PPM1E: variants seen among roughly 807,000 people sequenced by gnomAD.
The protein encoded by PPM1E is protein phosphatase, Mg2+/Mn2+ dependent 1E.
In PPM1E, 20 loss-of-function variants were observed where a neutral mutation model predicts 65.9. The observed-to-expected ratio is 0.30, with a 90% CI of 0.21 to 0.44. The LOEUF is 0.44. PPM1E is among the 20% of genes least tolerant of loss of function. The pLI, the probability that PPM1E is intolerant of heterozygous loss-of-function variation, is 1.00. For missense variants in PPM1E, 713 were observed against 953.1 expected (o/e 0.75, Z 3.32); for synonymous variants, 352 against 374.9 (o/e 0.94, Z 0.70).
chr17:58,790,680 A>C (rs976032564), intron 1 of PPM1E, among the ~76,000 whole-genome samples: 3 of 152,138 alleles, frequency 2.0e-5, no homozygotes, highest in Non-Finnish European at 2.9e-5. Context: ...AGCCACATGG[A>C]GAGGCCTTGT....
chr17:58,887,612 CAG>C (rs765794764), intron 1 of PPM1E, among the ~76,000 whole-genome samples: 3 of 152,116 alleles, frequency 2.0e-5, no homozygotes, highest in African/African-American at 7.2e-5. Context: ...TGAGGAATGA[CAG>C]AGAGATTTGT....
At chr17:58,816,910 C>G (rs745924198) in intron 1 of PPM1E, among the ~76,000 whole-genome samples, 24 of 150,698 alleles carry the variant, frequency 1.6e-4, no homozygotes, top group Non-Finnish European at 3.0e-4. Flanking sequence ...ATCCTCCCAC[C>G]TCAGCCTCCT....
intron 1 of PPM1E, among the ~76,000 whole-genome samples, chr17:58,845,926 C>A (rs777956151): frequency 6.6e-6 from 1 of 152,154 alleles, no homozygotes; most frequent in Admixed American, 6.5e-5. Flanking sequence ...GGTGATCTGC[C>A]GAACTCGGCC....
rs964406873 is a variant in PPM1E, at chr17:58,937,265, T to C, written c.465-18384T>C. The stretch of plus-strand genomic sequence containing the variant: ...ACATTTATCATGTAGGCCTGTCTCT[T>C]TTTTTTTTTTTTTTTTGAGATGGAG... On this transcript the variant is annotated intron_variant, in intron 1 of 6. Transcript: ENST00000308249. Among the ~76,000 whole-genome samples, 401 of 143,316 alleles carry C rather than the reference T, an allele frequency of 2.8e-3. 1 individual carries two copies. Among genetic ancestry groups the C allele is most frequent in the Non-Finnish European group, 4.1e-3 (265 of 65,106 alleles). 94.0% of individuals were successfully genotyped at this position (143,316 alleles called of 152,430 possible). A position where few individuals can be genotyped will look rare whatever the true frequency, so the allele number is the denominator to read the frequency against.
intron 1 of PPM1E, among the ~76,000 whole-genome samples, chr17:58,843,201 A>AG (rs2050737488): frequency 6.6e-6 from 1 of 151,406 alleles, no homozygotes; most frequent in Admixed American, 6.6e-5. Flanking sequence ...CCTGGGAGGC[A>AG]GAGAACCTGG....
At position 58,835,057 on chromosome 17, in the gene PPM1E, TTGGCCTGGTGCAG is replaced by T. The variant is rs1311724858; in HGVS notation, c.464+78599_464+78611del. Among the ~76,000 whole-genome samples, 4 of 152,194 alleles carry T rather than the reference TTGGCCTGGTGCAG, an allele frequency of 2.6e-5. No individual in the cohort carries two copies. In the East Asian group the frequency reaches 5.8e-4, roughly 22 times the overall value. The stretch of plus-strand genomic sequence containing the variant: ...TTATTTAGGTCATTAAAACCTTTTT[TTGGCCTGGTGCAG>T]TGACTCATGCCTATAATCCCAGCAC... On this transcript the variant is annotated intron_variant, in intron 1 of 6. Transcript: ENST00000308249.
intron 1 of PPM1E, among the ~76,000 whole-genome samples, chr17:58,829,387 G>T (rs2050576354): frequency 6.6e-6 from 1 of 152,062 alleles, no homozygotes; most frequent in African/African-American, 2.4e-5. Flanking sequence ...TTTTCCTGGA[G>T]TTAATAATTT....
At chr17:58,905,433 C>T (rs568726334) in intron 1 of PPM1E, among the ~76,000 whole-genome samples, 1 of 152,166 alleles carries the variant, frequency 6.6e-6, no homozygotes, top group African/African-American at 2.4e-5. Flanking sequence ...TGAATTTTAT[C>T]AAGTGCTTTT....
intron 1 of PPM1E, among the ~76,000 whole-genome samples, chr17:58,820,995 A>C (rs1374922025): frequency 6.6e-6 from 1 of 152,136 alleles, no homozygotes. Flanking sequence ...TTCCAATTAT[A>C]ATGTATGATG....
intron 1 of PPM1E, among the ~76,000 whole-genome samples, chr17:58,815,675 G>A (rs1315320155): frequency 6.6e-6 from 1 of 152,126 alleles, no homozygotes; most frequent in Admixed American, 6.6e-5. Context: ...TTATGTACTA[G>A]AGCTGATTTT....
chr17:58,874,763 C>T (rs1330833841), intron 1 of PPM1E, among the ~76,000 whole-genome samples: 1 of 152,106 alleles, frequency 6.6e-6, no homozygotes, highest in African/African-American at 2.4e-5. Context: ...ACTGGTATAT[C>T]ACCACTGGAA....
chr17:58,785,483 T>TAGATAGATAG (rs2050091346), intron 1 of PPM1E: 4 of 119,574 alleles, frequency 3.3e-5, no homozygotes, highest in African/African-American at 1.2e-4. Flanking sequence ...TATATATATA[T>TAGATAGATAG]ATATATAGTA....
chr17:58,904,837 C>A lies in PPM1E; in HGVS notation c.465-50812C>A, dbSNP rs140843255. The stretch of plus-strand genomic sequence containing the variant: ...TTGCTGGTGACCAACATGGAGAAAC[C>A]CCATCTCTACTAAAAATACAAAAAA... On this transcript the variant is annotated intron_variant, in intron 1 of 6. Coordinates refer to ENST00000308249, the MANE Select transcript of PPM1E (RefSeq NM_014906.5). Among the ~76,000 whole-genome samples the A allele has an allele frequency of 4.9e-3, 739 of 149,312 alleles. 3 individuals carry two copies. The highest frequency in any genetic ancestry group is 7.9e-3 in the African/African-American group (318 of 40,104).
chr17:58,774,694 GTTTA>G (rs1279407692), intron 1 of PPM1E, among the ~76,000 whole-genome samples: 1 of 151,972 alleles, frequency 6.6e-6, no homozygotes, highest in Non-Finnish European at 1.5e-5. Flanking sequence ...ATATTGTTAT[GTTTA>G]TTTGTAGATT....
intron 1 of PPM1E, among the ~76,000 whole-genome samples, chr17:58,795,961 T>C (rs1198071128): frequency 2.6e-5 from 4 of 152,224 alleles, no homozygotes; most frequent in Non-Finnish European, 4.4e-5. Flanking sequence ...TTGCAAATAT[T>C]TTCTCCCGTT....
chr17:58,822,811 T>C (rs1168957907), intron 1 of PPM1E, among the ~76,000 whole-genome samples: 1 of 152,222 alleles, frequency 6.6e-6, no homozygotes, highest in Non-Finnish European at 1.5e-5. Context: ...ATTAAAGTTA[T>C]GCTATCAGTC....
At chr17:58,844,432 C>T (rs1473293288) in intron 1 of PPM1E, among the ~76,000 whole-genome samples, 2 of 152,092 alleles carry the variant, frequency 1.3e-5, no homozygotes, top group Non-Finnish European at 2.9e-5. Context: ...AAAGGGATAA[C>T]TTTTCAGAAG....
intron 1 of PPM1E, among the ~76,000 whole-genome samples, chr17:58,821,872 G>T (rs1003441388): frequency 6.6e-6 from 1 of 152,130 alleles, no homozygotes; most frequent in Non-Finnish European, 1.5e-5. Context: ...CCCCCATCTT[G>T]TCTAAAATGA....
intron 1 of PPM1E, among the ~76,000 whole-genome samples, chr17:58,926,578 C>CAATT (rs1714718976): frequency 6.6e-6 from 1 of 151,880 alleles, no homozygotes; most frequent in Non-Finnish European, 1.5e-5. Context: ...CATCCATAGC[C>CAATT]AATTAATTGT....
Sources: allele counts gnomAD v4.1 joint callset (sites outside exome capture counted in the v4.1 genomes callset), GRCh38; gene constraint gnomAD v4.1.1; transcripts MANE v1.5; gene names NCBI Gene and HGNC (gene_info 2026-07-23, HGNC 2026-07-21).